Variants in SMARCAL1 observed in about 807,000 individuals in gnomAD.
The protein encoded by SMARCAL1 is ATP-driven annealing helicase.
In SMARCAL1, 58 loss-of-function variants were observed where a neutral mutation model predicts 94.5. The ratio of observed to expected loss-of-function variants is 0.61; its 90% CI spans 0.50 to 0.76. The LOEUF (loss-of-function observed/expected upper bound fraction) is 0.76. Among genes scored for constraint, SMARCAL1 ranks in the 30% least tolerant of loss-of-function variants. The pLI, the probability that SMARCAL1 is intolerant of heterozygous loss-of-function variation, is 0.00. For synonymous variants in SMARCAL1, 422 were observed against 455.1 expected, an observed-to-expected ratio of 0.93 and a Z score of 0.93; for missense variants, 1,051 against 1,177.9, an observed-to-expected ratio of 0.89 and a Z score of 1.58.
chr2:216,461,546 AG>A (rs1694704730), intron 12 of SMARCAL1, among the ~76,000 whole-genome samples: 1 of 152,216 alleles, frequency 6.6e-6, no homozygotes, highest in African/African-American at 2.4e-5. Context: ...CATAATATTT[AG>A]CCAGGTGTGC....
chr2:216,414,603 A>T, intron 2 of SMARCAL1, 44 bp from the exon 3 acceptor site: 2 of 986,394 alleles, frequency 2.0e-6, no homozygotes, highest in Non-Finnish European at 3.2e-6. Flanking sequence ...TATGACAATT[A>T]ATACATGTAA....
intron 4 of SMARCAL1, among the ~76,000 whole-genome samples, chr2:216,419,634 G>C (rs1256058255): frequency 6.6e-6 from 1 of 152,122 alleles, no homozygotes; most frequent in African/African-American, 2.4e-5. Flanking sequence ...GACTTCAGTG[G>C]CTTCTCCGAC....
intron 12 of SMARCAL1, among the ~76,000 whole-genome samples, chr2:216,459,103 A>G (rs1281611815): frequency 6.6e-6 from 1 of 152,176 alleles, no homozygotes; most frequent in African/African-American, 2.4e-5. Context: ...AGAGAATAAA[A>G]TACCTAGGAA....
At chr2:216,441,449 C>T (rs986227401) in intron 10 of SMARCAL1, among the ~76,000 whole-genome samples, 1 of 152,016 alleles carries the variant, frequency 6.6e-6, no homozygotes. Context: ...ACCTTTAATC[C>T]CTCCAACAGA....
chr2:216,452,438 T>C (rs1325569322), intron 12 of SMARCAL1, among the ~76,000 whole-genome samples: 1 of 152,136 alleles, frequency 6.6e-6, no homozygotes, highest in Non-Finnish European at 1.5e-5. Flanking sequence ...ATGGAAAAAT[T>C]CAGACATGCA....
chr2:216,412,997 T>C (rs1693500073), intron 1 of SMARCAL1: 1 of 152,386 alleles, frequency 6.6e-6, no homozygotes, highest in Non-Finnish European at 1.5e-5. Flanking sequence ...AGGAGATCCC[T>C]GGTTGGAAAC....
At chr2:216,478,584 T>C (rs1487070945) in intron 17 of SMARCAL1, among the ~76,000 whole-genome samples, 2 of 152,162 alleles carry the variant, frequency 1.3e-5, no homozygotes, top group Non-Finnish European at 2.9e-5. Context: ...CCATGGCAAA[T>C]GTTGAATTGT....
chr2:216,441,191 C>T (rs72948603), intron 10 of SMARCAL1, among the ~76,000 whole-genome samples: 14,691 of 152,010 alleles, frequency 0.097, 879 homozygotes, highest in South Asian at 0.18. Flanking sequence ...TCATACAGTT[C>T]GTTGGATAGC....
intron 14 of SMARCAL1, among the ~76,000 whole-genome samples, chr2:216,469,279 C>CTTTTTTTTTTTTTT (rs71054477): frequency 9.7e-6 from 1 of 102,996 alleles, no homozygotes; most frequent in Non-Finnish European, 1.9e-5. Flanking sequence ...TTAGAGATTT[C>CTTTTTTTTTTTTTT]TTTTTTTTTT....
Position 216,415,406 on chromosome 2 carries a change from G to T in SMARCAL1, c.702G>T (p.Val234=). 6.2e-7 allele frequency: 1 copy of T among 1,614,232 alleles called. No homozygotes were observed. The highest frequency in any genetic ancestry group is 8.5e-7 in the Non-Finnish European group (1 of 1,180,046). ...QKSGSSVQKG[V]NSQKGKCVRN... ...CAGGGTCCTCAGTCCAAAAAGGAGT[G>T]AACTCTCAGAAGGGAAAGTGCGTAA... is the stretch of plus-strand genomic sequence containing the variant. The change falls in exon 3 of 18, where the codon GTG becomes GTT. Residue 234 remains valine (V), a synonymous_variant. Transcript: ENST00000357276.
At chr2:216,476,892 A>T (rs1695093900) in intron 15 of SMARCAL1, among the ~76,000 whole-genome samples, 1 of 152,134 alleles carries the variant, frequency 6.6e-6, no homozygotes. Flanking sequence ...TTCCCCAGCC[A>T]GGGCTGTTTT....
rs1466050080 is a variant in SMARCAL1, at chr2:216,464,795, C to T, written c.2141+128C>T. 6 of 756,898 alleles carry T rather than the reference C, an allele frequency of 7.9e-6. No homozygotes were observed. In the Admixed American group the frequency reaches 1.0e-4, roughly 13 times the overall value. 46.9% of individuals were successfully genotyped at this position (756,898 alleles called of 1,614,324 possible). A position where few individuals can be genotyped will look rare whatever the true frequency, so the allele number is the denominator to read the frequency against. On this transcript the variant is annotated intron_variant, in intron 13 of 17. Coordinates refer to ENST00000357276, the MANE Select transcript of SMARCAL1 (RefSeq NM_014140.4). ...AATGACCAGAGATTATTAAATGTGC[C>T]TTTTGTTGAGGAAGGAAAAAATAAA...
chr2:216,463,037 C>G (rs1026064788), intron 12 of SMARCAL1, among the ~76,000 whole-genome samples: 2 of 152,156 alleles, frequency 1.3e-5, no homozygotes, highest in African/African-American at 2.4e-5. Flanking sequence ...GCTTTTTCCT[C>G]CATCCATGGT....
intron 15 of SMARCAL1, 36 bp from the exon 16 acceptor site, chr2:216,477,073 G>T: frequency 6.6e-7 from 1 of 1,519,170 alleles, no homozygotes; most frequent in Non-Finnish European, 8.9e-7. Context: ...ACTGCTTCAG[G>T]CCTTTACCTG....
At chr2:216,466,034 A>G (rs1003966330) in intron 13 of SMARCAL1, among the ~76,000 whole-genome samples, 2 of 152,038 alleles carry the variant, frequency 1.3e-5, no homozygotes, top group Non-Finnish European at 1.5e-5. Flanking sequence ...TGGCCTGGAA[A>G]CTTTTCTCCC....
At chr2:216,449,457 C>G (rs930602223) in intron 11 of SMARCAL1, among the ~76,000 whole-genome samples, 1 of 152,008 alleles carries the variant, frequency 6.6e-6, no homozygotes, top group Admixed American at 6.6e-5. Context: ...GAACCTCATG[C>G]TGAGCTCATT....
intron 1 of SMARCAL1, among the ~76,000 whole-genome samples, chr2:216,413,478 T>C (rs747534043): frequency 3.9e-5 from 6 of 152,216 alleles, no homozygotes; most frequent in African/African-American, 1.4e-4. Context: ...TAAATTCTTA[T>C]ATCTCCTAAA....
At chr2:216,420,627 C>G in intron 5 of SMARCAL1, 95 bp downstream of exon 5, 2 of 958,132 alleles carry the variant, frequency 2.1e-6, no homozygotes, top group Non-Finnish European at 3.3e-6. Context: ...TCAAAAATTA[C>G]TTTCTTGGGA....
chr2:216,459,271 A>G (rs1193166950), intron 12 of SMARCAL1, among the ~76,000 whole-genome samples: 1 of 152,236 alleles, frequency 6.6e-6, no homozygotes, highest in Admixed American at 6.5e-5. Flanking sequence ...AGGGTAATTT[A>G]TAGATTCAAT....
Sources: allele counts gnomAD v4.1 joint callset (sites outside exome capture counted in the v4.1 genomes callset), GRCh38; gene constraint gnomAD v4.1.1; transcripts MANE v1.5; gene names NCBI Gene and HGNC (gene_info 2026-07-23, HGNC 2026-07-21).